VAV2: variants seen among roughly 807,000 people sequenced by gnomAD.
VAV2 encodes the protein vav guanine nucleotide exchange factor 2, also known as guanine nucleotide exchange factor VAV2.
Under a neutral mutation model 132.5 loss-of-function variants are expected in VAV2, and 67 were observed. The ratio of observed to expected loss-of-function variants is 0.51; its 90% CI spans 0.42 to 0.62. VAV2 has a LOEUF of 0.62. Ranked by LOEUF, VAV2 falls within the 20% of genes least tolerant of loss-of-function variation. VAV2 has a pLI of 0.00. For synonymous variants in VAV2, 492 were observed against 443.5 expected, an observed-to-expected ratio of 1.11 and a Z score of -1.37; for missense variants, 938 against 1,153.6, an observed-to-expected ratio of 0.81 and a Z score of 2.71.
chr9:133,872,705 G>A (rs1838106688), intron 2 of VAV2, among the ~76,000 whole-genome samples: 1 of 152,194 alleles, frequency 6.6e-6, no homozygotes, highest in Admixed American at 6.5e-5. Context: ...GGAGGCGTAA[G>A]CTGGTGGAGT....
chr9:133,980,756 C>A lies in VAV2; in HGVS notation c.204+11319G>T, dbSNP rs1413463558. Among the ~76,000 whole-genome samples the A allele has an allele frequency of 2.0e-5, 3 of 152,220 alleles. No individual in the cohort carries two copies. The East Asian group carries it at 5.8e-4, about 29-fold the overall frequency. On this transcript the variant is annotated intron_variant, in intron 1 of 29. Coordinates refer to ENST00000371850, the MANE Select transcript of VAV2 (RefSeq NM_001134398.2). ...TCTACTCATCAGAGCTGGTGGCATG[C>A]AGCTTCCTCTGCCCCAACTGCTGCT...
intron 1 of VAV2, among the ~76,000 whole-genome samples, chr9:133,986,921 G>T (rs896067768): frequency 2.0e-5 from 3 of 152,132 alleles, no homozygotes; most frequent in African/African-American, 7.2e-5. Flanking sequence ...CATGAGAGCA[G>T]GGACAGCCCC....
At position 133,919,961 on chromosome 9, in the gene VAV2, A is replaced by T. The variant is rs1185183989; in HGVS notation, c.321+19142T>A. On this transcript the variant is annotated intron_variant, in intron 2 of 29. Coordinates refer to ENST00000371850, the MANE Select transcript of VAV2 (RefSeq NM_001134398.2). This position sits in a 1 kb window ranked among gnomAD's most constrained non-coding sequence, Gnocchi z 5.8. Reference sequence around the variant, plus strand: ...GCCCAGTCCTGCTCTGCCAGGCCCCAGGCATCAGTCAGCACCTGTTCTCTG... The same window carrying T: ...GCCCAGTCCTGCTCTGCCAGGCCCCTGGCATCAGTCAGCACCTGTTCTCTG... Among the ~76,000 whole-genome samples, 1 of 152,158 alleles carries T rather than the reference A, an allele frequency of 6.6e-6. No homozygotes were observed. Among genetic ancestry groups the T allele is most frequent in the Non-Finnish European group, 1.5e-5 (1 of 68,028 alleles).
At chr9:133,839,861 C>T (rs140501557) in intron 3 of VAV2, among the ~76,000 whole-genome samples, 49 of 152,326 alleles carry the variant, frequency 3.2e-4, no homozygotes, top group African/African-American at 1.2e-3. Flanking sequence ...GTGTGACACA[C>T]ATTTGCACAG....
chr9:133,975,184 G>A (rs949841857), intron 1 of VAV2, among the ~76,000 whole-genome samples: 1 of 152,184 alleles, frequency 6.6e-6, no homozygotes, highest in Non-Finnish European at 1.5e-5. Flanking sequence ...ACTAGGAAAG[G>A]CAGGCACCCC....
chr9:133,778,923 A>T (rs1303240540), intron 21 of VAV2, 34 bp from the exon 22 acceptor site: 1 of 1,604,348 alleles, frequency 6.2e-7, no homozygotes, highest in Non-Finnish European at 8.5e-7. Context: ...TCAGTGACTC[A>T]GCAGCTCACT....
At chr9:133,811,667 T>C (rs1322234661) in intron 5 of VAV2, among the ~76,000 whole-genome samples, 3 of 152,240 alleles carry the variant, frequency 2.0e-5, no homozygotes, top group South Asian at 2.1e-4. Context: ...AGCTGGCTAA[T>C]TGGGCCAATA....
chr9:133,837,104 C>CT (rs1836501109), intron 3 of VAV2, among the ~76,000 whole-genome samples: 2 of 152,354 alleles, frequency 1.3e-5, no homozygotes, highest in Admixed American at 6.5e-5. Flanking sequence ...CTTAACCTCT[C>CT]TGAGTGTCAG....
At chr9:133,971,083 G>A (rs1470071669) in intron 1 of VAV2, among the ~76,000 whole-genome samples, 1 of 152,168 alleles carries the variant, frequency 6.6e-6, no homozygotes, top group African/African-American at 2.4e-5. Context: ...CGGGGAGTGG[G>A]GACACCAAGG....
chr9:133,962,484 G>C (rs926402890), intron 1 of VAV2, among the ~76,000 whole-genome samples: 10 of 152,066 alleles, frequency 6.6e-5, no homozygotes, highest in African/African-American at 2.4e-4. Context: ...CTACTCCCCT[G>C]GGTCTTGAGG....
At chr9:133,939,858 G>A (rs1391175666) in intron 1 of VAV2, among the ~76,000 whole-genome samples, 1 of 152,224 alleles carries the variant, frequency 6.6e-6, no homozygotes, top group African/African-American at 2.4e-5. Context: ...TACAGTGGAA[G>A]GGTGGAGGGA....
At position 133,803,035 on chromosome 9, in the gene VAV2, C is replaced by T. The variant is rs139832331; in HGVS notation, c.836+3046G>A. ...TGGGGTTTTTGAGGTGGACCATGAC[C>T]GGGGACTCTCCCTGCAGGCCGTACC... On this transcript the variant is annotated intron_variant, in intron 9 of 29. Transcript: ENST00000371850. 4.7e-3 allele frequency among the ~76,000 whole-genome samples: 713 copies of T among 152,286 alleles called. 4 individuals are homozygous for T. The highest frequency in any genetic ancestry group is 0.016 in the African/African-American group (663 of 41,570).
chr9:133,903,340 C>T (rs947513309), intron 2 of VAV2, among the ~76,000 whole-genome samples: 2 of 152,144 alleles, frequency 1.3e-5, no homozygotes, highest in African/African-American at 2.4e-5. Context: ...TTCCTCTACC[C>T]CACGCTGGGT....
intron 1 of VAV2, among the ~76,000 whole-genome samples, chr9:133,965,323 A>T (rs1842107602): frequency 6.9e-6 from 1 of 144,806 alleles, no homozygotes; most frequent in Admixed American, 6.9e-5. Context: ...CCCCATCTCT[A>T]AAAAAAAAAA....
chr9:133,805,736 G>C (rs1324639609), intron 9 of VAV2, among the ~76,000 whole-genome samples: 1 of 152,220 alleles, frequency 6.6e-6, no homozygotes, highest in Non-Finnish European at 1.5e-5. Flanking sequence ...TAACTTTAAA[G>C]AACCGGCCAC....
intron 2 of VAV2, among the ~76,000 whole-genome samples, chr9:133,887,663 G>A (rs1016348703): frequency 6.6e-6 from 1 of 151,998 alleles, no homozygotes; most frequent in African/African-American, 2.4e-5. Flanking sequence ...CCCAACCCCA[G>A]CACCCCAGGG....
intron 4 of VAV2, among the ~76,000 whole-genome samples, chr9:133,820,600 C>T (rs1380424136): frequency 1.3e-5 from 2 of 152,222 alleles, no homozygotes; most frequent in African/African-American, 4.8e-5. Context: ...GCTGGGATTA[C>T]AGGCGTGAGC....
At chr9:133,844,410 C>G (rs1172630195) in intron 3 of VAV2, among the ~76,000 whole-genome samples, 1 of 152,156 alleles carries the variant, frequency 6.6e-6, no homozygotes, top group Non-Finnish European at 1.5e-5. Flanking sequence ...TGGCAGGAAA[C>G]CCCCTGGACA....
chr9:133,968,548 G>T (rs2132248382), intron 1 of VAV2, among the ~76,000 whole-genome samples: 2 of 152,270 alleles, frequency 1.3e-5, no homozygotes, highest in Middle Eastern at 6.8e-3. Context: ...ATGGTCCCCA[G>T]GGTCCCTACC....
Sources: allele counts gnomAD v4.1 joint callset (sites outside exome capture counted in the v4.1 genomes callset), GRCh38; gene constraint gnomAD v4.1.1; non-coding constraint Gnocchi (gnomAD v3.1); transcripts MANE v1.5; gene names NCBI Gene and HGNC (gene_info 2026-07-23, HGNC 2026-07-21).